ANO1: variants seen among roughly 807,000 people sequenced by gnomAD.
The protein encoded by ANO1 is anoctamin 1.
ANO1 carries 59 observed loss-of-function variants against 124.0 expected under a neutral mutation model. The observed-to-expected ratio is 0.48, with a 90% CI of 0.39 to 0.59. The LOEUF (loss-of-function observed/expected upper bound fraction) is 0.59. ANO1 is among the 20% of genes least tolerant of loss of function. The probability of loss-of-function intolerance (pLI) is 0.00; values close to 1 mark genes in which losing one functional copy is unlikely to be tolerated. For synonymous variants in ANO1, 529 were observed against 532.0 expected, an observed-to-expected ratio of 0.99 and a Z score of 0.08; for missense variants, 1,059 against 1,328.0, an observed-to-expected ratio of 0.80 and a Z score of 3.15.
chr11:70,065,905 G>A (rs1007907453), intron 1 of ANO1, among the ~76,000 whole-genome samples: 2 of 151,952 alleles, frequency 1.3e-5, no homozygotes, highest in East Asian at 3.9e-4. Flanking sequence ...GTCTCCCCAC[G>A]CCTGCCCCCA....
chr11:70,049,162 A>T (rs1450099520), intron 1 of ANO1, among the ~76,000 whole-genome samples: 1 of 152,196 alleles, frequency 6.6e-6, no homozygotes, highest in East Asian at 1.9e-4. Context: ...TCAGCAGGCT[A>T]AACCATGACC....
rs141881060 is a variant in ANO1 at position 69,996,025 on chromosome 11, C to A, written c.58+9859C>A. 3.9e-3 allele frequency among the ~76,000 whole-genome samples: 591 copies of A among 152,280 alleles called. 3 individuals are homozygous for A. The highest frequency in any genetic ancestry group is 0.014 in the African/African-American group (566 of 41,538). ...ATTTGGGATGCTGAGACAGGAGAAT[C>A]GCTTGAACCCAGGAGGTAGAGGTTG... On this transcript the variant is annotated intron_variant, in intron 1 of 27. Transcript: ENST00000531349.
chr11:70,043,927 A>G (rs2135063215), intron 1 of ANO1, among the ~76,000 whole-genome samples: 1 of 152,266 alleles, frequency 6.6e-6, no homozygotes, highest in African/African-American at 2.4e-5. Flanking sequence ...GCATGTTAAT[A>G]TAAAACGTTT....
chr11:69,987,023 CCT>C (rs2120276425), intron 1 of ANO1, among the ~76,000 whole-genome samples: 1 of 152,256 alleles, frequency 6.6e-6, no homozygotes, highest in South Asian at 2.1e-4. Flanking sequence ...ATTCTTCCCC[CCT>C]CCCTCCCCCG....
chr11:70,122,565 GTCTC>G (rs543479322), intron 8 of ANO1, among the ~76,000 whole-genome samples: 5 of 134,534 alleles, frequency 3.7e-5, no homozygotes, highest in Admixed American at 3.0e-4. Context: ...CTCTGTCTCT[GTCTC>G]TCTCTCCACC....
At chr11:70,164,973 C>A (rs1011318662) in intron 19 of ANO1, among the ~76,000 whole-genome samples, 53 of 152,188 alleles carry the variant, frequency 3.5e-4, no homozygotes, top group African/African-American at 1.2e-3. Context: ...CCTGGGGCTG[C>A]CGCAACTCGA....
intron 6 of ANO1, among the ~76,000 whole-genome samples, chr11:70,110,298 T>C (rs2045721861): frequency 1.3e-5 from 2 of 150,556 alleles, no homozygotes; most frequent in Non-Finnish European, 3.0e-5. Context: ...GCAATTCTCC[T>C]GCCTCAGCCT....
At position 70,120,912 on chromosome 11, in the gene ANO1, C is replaced by A. The variant is rs558080457; in HGVS notation, c.898-3438C>A. Among the ~76,000 whole-genome samples the A allele has an allele frequency of 3.9e-5, 6 of 152,298 alleles. No individual in the cohort carries two copies. In the South Asian group the frequency reaches 1.0e-3, roughly 26 times the overall value. On this transcript the variant is annotated intron_variant, in intron 8 of 25. Transcript: ENST00000355303. ...CACAGCCCCCATGGCTGGACGCCCCCCTGCCTGCTCACCGGGGCTAAGGTG... is the reference window on the plus strand; with the variant it reads ...CACAGCCCCCATGGCTGGACGCCCCACTGCCTGCTCACCGGGGCTAAGGTG...
intron 11 of ANO1, among the ~76,000 whole-genome samples, chr11:70,136,658 C>T (rs1176814052): frequency 1.4e-5 from 2 of 147,168 alleles, no homozygotes; most frequent in African/African-American, 4.9e-5. Context: ...AGGTGCCTGT[C>T]GTCGGCGTCT....
rs899564195 is a variant in ANO1, at chr11:70,098,706, C to T, written c.442-4360C>T. Among the ~76,000 whole-genome samples the T allele has an allele frequency of 3.9e-5, 6 of 152,184 alleles. No individual in the cohort carries two copies. In the South Asian group the frequency reaches 6.2e-4, roughly 16 times the overall value. Reference sequence around the variant, plus strand: ...AAATCTTCTAGCAATTTCGAGCCCACGCTCCAGCTGCAGGGAGTCCCATCC... The same window carrying T: ...AAATCTTCTAGCAATTTCGAGCCCATGCTCCAGCTGCAGGGAGTCCCATCC... On this transcript the variant is annotated intron_variant, in intron 2 of 25. Transcript: ENST00000355303.
intron 1 of ANO1, among the ~76,000 whole-genome samples, chr11:70,019,261 A>G (rs1591038020): frequency 8.0e-6 from 1 of 125,490 alleles, no homozygotes; most frequent in African/African-American, 3.1e-5. Context: ...ACACACACAC[A>G]CATTCACTCC....
At chr11:70,068,855 G>A (rs1287161514) in intron 1 of ANO1, among the ~76,000 whole-genome samples, 3 of 152,200 alleles carry the variant, frequency 2.0e-5, no homozygotes, top group Non-Finnish European at 4.4e-5. Context: ...AAACAAGGCT[G>A]TGACAGGCAG....
intron 1 of ANO1, among the ~76,000 whole-genome samples, chr11:70,006,667 T>C (rs12795260): frequency 0.067 from 1,674 of 24,946 alleles, 45 homozygotes; most frequent in South Asian, 0.11. Flanking sequence ...TTCTTTCTTT[T>C]TTTTTTTTTT....
chr11:70,089,889 T>G (rs2044551340), intron 2 of ANO1, among the ~76,000 whole-genome samples: 1 of 152,218 alleles, frequency 6.6e-6, no homozygotes, highest in Non-Finnish European at 1.5e-5. Flanking sequence ...AGGAATCGGC[T>G]CCATCAGGGA....
the ANO1 span, among the ~76,000 whole-genome samples, chr11:69,975,540 G>A: frequency 6.6e-6 from 1 of 152,242 alleles, no homozygotes; most frequent in African/African-American, 2.4e-5. Context: ...GCCCCCTTCA[G>A]GGGTGATTTG....
At chr11:70,146,634 G>T (rs2047389440) in intron 11 of ANO1, among the ~76,000 whole-genome samples, 1 of 152,190 alleles carries the variant, frequency 6.6e-6, no homozygotes, top group African/African-American at 2.4e-5. Context: ...ACAATAGGCT[G>T]TCTGCAAGTG....
At chr11:69,975,886 C>T in the ANO1 span, among the ~76,000 whole-genome samples, 3 of 152,198 alleles carry the variant, frequency 2.0e-5, no homozygotes, top group African/African-American at 4.8e-5. Flanking sequence ...GTGTTGCACA[C>T]ATAGGTGGGG....
chr11:70,005,113 A>G (rs1237204026), intron 1 of ANO1, among the ~76,000 whole-genome samples: 4 of 560 alleles, frequency 7.1e-3, no homozygotes, highest in Non-Finnish European at 0.059. Flanking sequence ...ATTCCAACTC[A>G]AAAAAAAAAA....
chr11:70,098,968 C>T (rs927155611), intron 2 of ANO1, among the ~76,000 whole-genome samples: 1 of 152,142 alleles, frequency 6.6e-6, no homozygotes, highest in African/African-American at 2.4e-5. Context: ...GGGAGGTTTC[C>T]GCCGGCATAG....
Sources: allele counts gnomAD v4.1 joint callset (sites outside exome capture counted in the v4.1 genomes callset), GRCh38; gene constraint gnomAD v4.1.1; transcripts MANE v1.5; gene names NCBI Gene and HGNC (gene_info 2026-07-23, HGNC 2026-07-21).